RORA: variants seen among roughly 807,000 people sequenced by gnomAD.
RORA encodes nuclear receptor ROR-alpha.
Under a neutral mutation model 69.5 loss-of-function variants are expected in RORA, and 7 were observed. The observed-to-expected ratio is 0.10, with a 90% CI of 0.06 to 0.19. The LOEUF is 0.19. Among genes scored for constraint, RORA ranks in the 10% least tolerant of loss-of-function variants. The pLI, the probability that RORA is intolerant of heterozygous loss-of-function variation, is 1.00. For synonymous variants in RORA, 261 were observed against 240.8 expected (o/e 1.08, Z -0.78); for missense variants, 457 against 663.0 (o/e 0.69, Z 3.41).
intron 1 of RORA, among the ~76,000 whole-genome samples, chr15:60,884,227 G>C (rs1186716455): frequency 2.0e-5 from 3 of 151,864 alleles, no homozygotes; most frequent in East Asian, 1.9e-4. Context: ...AGAAGGACAA[G>C]AAGAAGAAGA....
chr15:61,052,965 T>G (rs117609159), intron 1 of RORA, among the ~76,000 whole-genome samples: 1 of 152,220 alleles, frequency 6.6e-6, no homozygotes, highest in Admixed American at 6.5e-5. Flanking sequence ...TGGGACTAAA[T>G]TGTAGCACAG....
intron 1 of RORA, among the ~76,000 whole-genome samples, chr15:61,016,286 G>T (rs962016520): frequency 1.3e-5 from 2 of 152,152 alleles, no homozygotes; most frequent in African/African-American, 2.4e-5. Context: ...CCTGGCATTC[G>T]AGAAGCTCCT....
At chr15:61,177,674 G>A (rs543989368) in intron 1 of RORA, among the ~76,000 whole-genome samples, 37 of 152,232 alleles carry the variant, frequency 2.4e-4, no homozygotes, top group African/African-American at 7.5e-4. Context: ...ACCGGAGGCC[G>A]GTGCAGTTGC....
chr15:60,684,078 G>A (rs1019018152), intron 1 of RORA, among the ~76,000 whole-genome samples: 2 of 151,692 alleles, frequency 1.3e-5, no homozygotes, highest in African/African-American at 4.9e-5. Flanking sequence ...TGGGTATCCA[G>A]TTAATTTTAC....
chr15:60,789,993 A>C (rs1364864173), intron 1 of RORA, among the ~76,000 whole-genome samples: 1 of 152,242 alleles, frequency 6.6e-6, no homozygotes. Context: ...GATACAACCG[A>C]TAAGTGTTGA....
chr15:61,000,863 T>C (rs1466362324), intron 1 of RORA, among the ~76,000 whole-genome samples: 1 of 152,200 alleles, frequency 6.6e-6, no homozygotes, highest in Non-Finnish European at 1.5e-5. Flanking sequence ...GTCACTATCA[T>C]GTGGGGACAC....
chr15:60,895,049 C>A (rs1274623121), intron 1 of RORA, among the ~76,000 whole-genome samples: 2 of 152,076 alleles, frequency 1.3e-5, no homozygotes, highest in Non-Finnish European at 2.9e-5. Context: ...ACCTGGGGTC[C>A]CCATGCTCAT....
At chr15:60,669,606 G>T (rs536131619) in intron 2 of RORA, among the ~76,000 whole-genome samples, 2 of 151,928 alleles carry the variant, frequency 1.3e-5, no homozygotes, top group East Asian at 3.9e-4. Flanking sequence ...TGTTCTTACT[G>T]GTCTCCCTTT....
intron 1 of RORA, among the ~76,000 whole-genome samples, chr15:60,852,093 C>T (rs1054392170): frequency 6.6e-6 from 1 of 152,166 alleles, no homozygotes; most frequent in East Asian, 1.9e-4. Flanking sequence ...ATCCCTGCCC[C>T]GATGGCACAC....
intron 1 of RORA, among the ~76,000 whole-genome samples, chr15:61,133,989 T>C (rs1249670177): frequency 1.3e-5 from 2 of 152,204 alleles, no homozygotes; most frequent in Non-Finnish European, 2.9e-5. Flanking sequence ...AATCACTGTC[T>C]GGTTTCTTTT....
At chr15:61,051,321 C>T (rs1390556502) in intron 1 of RORA, among the ~76,000 whole-genome samples, 1 of 152,170 alleles carries the variant, frequency 6.6e-6, no homozygotes, top group East Asian at 1.9e-4. Context: ...CTTTCCACTA[C>T]CCCTATCCCC....
In RORA at chr15:60,488,763, T is replaced by C. The variant is rs2141211136; in HGVS notation, c.*8692A>G. 1 of 152,376 alleles carries C rather than the reference T, an allele frequency of 6.6e-6. No individual in the cohort carries two copies. Among genetic ancestry groups the C allele is most frequent in the South Asian group, 2.1e-4 (1 of 4,832 alleles). 9.4% of individuals were successfully genotyped at this position (152,376 alleles called of 1,614,324 possible). A position where few individuals can be genotyped will look rare whatever the true frequency, so the allele number is the denominator to read the frequency against. On this transcript the variant is annotated 3_prime_UTR_variant, in exon 11 of 11. Transcript: ENST00000335670. ...TATTTATAGGTACAGTATTACTGTTTCCAAACTTGCATGTATATTTACAGA... is the reference window on the plus strand; with the variant it reads ...TATTTATAGGTACAGTATTACTGTTCCCAAACTTGCATGTATATTTACAGA...
chr15:61,089,558 A>G (rs924431477), intron 1 of RORA, among the ~76,000 whole-genome samples: 4 of 152,214 alleles, frequency 2.6e-5, no homozygotes, highest in African/African-American at 9.6e-5. Context: ...GCTTGAATAC[A>G]CAGGCCATCC....
At chr15:61,007,992 G>C (rs577995631) in intron 1 of RORA, among the ~76,000 whole-genome samples, 1 of 151,580 alleles carries the variant, frequency 6.6e-6, no homozygotes, top group South Asian at 2.1e-4. Flanking sequence ...AAAAATGAAT[G>C]ACAGCAAACA....
In RORA at chr15:60,824,314, G is replaced by A. The variant is rs527579304; in HGVS notation, c.167-145628C>T. 2.4e-4 allele frequency among the ~76,000 whole-genome samples: 36 copies of A among 152,332 alleles called. No homozygotes were observed. In the South Asian group the frequency reaches 7.3e-3, roughly 31 times the overall value. ...TGTGTGGAGAAGAGGTCTAATCTAT[G>A]AAGTCAAAACAAACTTTGTTCTTGG... On this transcript the variant is annotated intron_variant, in intron 1 of 10. Coordinates refer to ENST00000335670, the MANE Select transcript of RORA (RefSeq NM_134261.3).
At chr15:60,937,366 G>C in intron 1 of RORA, among the ~76,000 whole-genome samples, 1 of 152,174 alleles carries the variant, frequency 6.6e-6, no homozygotes, top group East Asian at 1.9e-4. Context: ...TAAGGCTTTT[G>C]TCTTGGTGAG....
intron 1 of RORA, among the ~76,000 whole-genome samples, chr15:60,818,608 G>T (rs1468059419): frequency 6.6e-6 from 1 of 152,180 alleles, no homozygotes; most frequent in Non-Finnish European, 1.5e-5. Flanking sequence ...TTCTCTTTGG[G>T]ATGCAGAAGA....
intron 2 of RORA, among the ~76,000 whole-genome samples, chr15:60,658,909 G>A (rs1189571061): frequency 2.6e-5 from 4 of 152,144 alleles, no homozygotes; most frequent in Non-Finnish European, 5.9e-5. Flanking sequence ...AGTGGCTGAT[G>A]GTCCTTGTGG....
At chr15:61,070,742 A>G (rs1191576849) in intron 1 of RORA, among the ~76,000 whole-genome samples, 3 of 152,206 alleles carry the variant, frequency 2.0e-5, no homozygotes, top group Non-Finnish European at 4.4e-5. Context: ...TCTAACTAGT[A>G]GGTGTTGGAG....
Sources: gnomAD v4.1 joint callset for allele counts (sites outside exome capture counted in the v4.1 genomes callset) on GRCh38, gnomAD v4.1.1 for gene constraint, MANE v1.5 for transcripts, NCBI Gene and HGNC (gene_info 2026-07-23, HGNC 2026-07-21) for gene names.